The following DIRAS2 variants were observed in gnomAD, a reference collection of about 807,000 sequenced individuals.
The protein encoded by DIRAS2 is DIRAS family GTPase 2.
A neutral mutation model predicts 13.9 loss-of-function variants in DIRAS2; 5 were observed. The observed-to-expected ratio is 0.36, with a 90% CI of 0.19 to 0.76. The LOEUF is 0.76. DIRAS2 is among the 30% of genes least tolerant of loss of function. The pLI, the probability that DIRAS2 is intolerant of heterozygous loss-of-function variation, is 0.53. For synonymous variants in DIRAS2, 111 were observed against 105.4 expected (o/e 1.05, Z -0.33); for missense variants, 191 against 263.0 (o/e 0.73, Z 1.89).
intron 1 of DIRAS2, among the ~76,000 whole-genome samples, chr9:90,629,163 T>C (rs1365882853): frequency 6.6e-6 from 1 of 152,186 alleles, no homozygotes; most frequent in African/African-American, 2.4e-5. Context: ...CAAAAATATA[T>C]TACTTAAAAT....
intron 1 of DIRAS2, among the ~76,000 whole-genome samples, chr9:90,629,526 T>C (rs1462516706): frequency 2.2e-5 from 3 of 139,002 alleles, no homozygotes; most frequent in Admixed American, 1.5e-4. Context: ...GGAAGACATA[T>C]AGAAAAAAAA....
At chr9:90,624,359 C>A (rs1825248346) in intron 1 of DIRAS2, among the ~76,000 whole-genome samples, 1 of 152,086 alleles carries the variant, frequency 6.6e-6, no homozygotes, top group African/African-American at 2.4e-5. Context: ...ATCCATGGAT[C>A]AACTTTATCC....
At chr9:90,639,905 C>G (rs914987140) in intron 1 of DIRAS2, among the ~76,000 whole-genome samples, 33 of 152,170 alleles carry the variant, frequency 2.2e-4, no homozygotes, top group Middle Eastern at 3.2e-3. Context: ...TGGCGCCGAA[C>G]ATGTTAGCTT....
intron 1 of DIRAS2, among the ~76,000 whole-genome samples, chr9:90,617,813 A>G (rs1825183287): frequency 6.6e-6 from 1 of 152,262 alleles, no homozygotes; most frequent in African/African-American, 2.4e-5. Flanking sequence ...ATTTAAGAAA[A>G]TAACTCAATT....
At position 90,612,688 on chromosome 9, in the gene DIRAS2, A is replaced by G. The variant is rs1392311145; in HGVS notation, c.*540T>C. The G allele has an allele frequency of 6.3e-6, 1 of 157,710 alleles. No individual in the cohort carries two copies. Among genetic ancestry groups the G allele is most frequent in the Non-Finnish European group, 1.4e-5 (1 of 71,324 alleles). 9.8% of individuals were successfully genotyped at this position (157,710 alleles called of 1,614,324 possible). On this transcript the variant is annotated 3_prime_UTR_variant, in exon 2 of 2. Transcript: ENST00000375765. ...CTAACAGGCCAGGTGGGAATTAAGAACGGACACCCTTTGGGGGAGAGGCTG... is the reference window on the plus strand; with the variant it reads ...CTAACAGGCCAGGTGGGAATTAAGAGCGGACACCCTTTGGGGGAGAGGCTG...
Position 90,613,197 on chromosome 9 carries a change from C to A in DIRAS2, c.*31G>T. On this transcript the variant is annotated 3_prime_UTR_variant, in exon 2 of 2. Coordinates refer to ENST00000375765, the MANE Select transcript of DIRAS2 (RefSeq NM_017594.5). The surrounding 1 kb of genome is among the most constrained non-coding windows in gnomAD (Gnocchi z 5.6). ...TTTTGGGGGAGTGAGGTGCCGGGGA[C>A]ACACAGCTGCTCCTCCCGCAGGAAG... The A allele has an allele frequency of 6.3e-7, 1 of 1,587,468 alleles. No homozygotes were observed. The highest frequency in any genetic ancestry group is 8.6e-7 in the Non-Finnish European group (1 of 1,165,986).
intron 1 of DIRAS2, among the ~76,000 whole-genome samples, chr9:90,628,860 C>T (rs1310756495): frequency 6.8e-6 from 1 of 147,840 alleles, no homozygotes; most frequent in Admixed American, 6.7e-5. Context: ...AAATATATTA[C>T]TTTTTTTTTT....
intron 1 of DIRAS2, among the ~76,000 whole-genome samples, chr9:90,621,106 G>T (rs1285762253): frequency 6.6e-6 from 1 of 152,118 alleles, no homozygotes; most frequent in Non-Finnish European, 1.5e-5. Context: ...TAAAGACTGA[G>T]AAAATTTTAG....
chr9:90,631,622 G>A (rs1054472954), intron 1 of DIRAS2, among the ~76,000 whole-genome samples: 5 of 152,084 alleles, frequency 3.3e-5, no homozygotes, highest in African/African-American at 9.7e-5. Flanking sequence ...TCGCCCATGA[G>A]AGAGCCCACA....
At chr9:90,614,716 A>C (rs1825151922) in intron 1 of DIRAS2, among the ~76,000 whole-genome samples, 1 of 152,160 alleles carries the variant, frequency 6.6e-6, no homozygotes, top group African/African-American at 2.4e-5. Context: ...CATTCATCAA[A>C]ATTAAGATGA....
At chr9:90,621,132 G>T (rs188088497) in intron 1 of DIRAS2, among the ~76,000 whole-genome samples, 19 of 152,264 alleles carry the variant, frequency 1.2e-4, no homozygotes, top group African/African-American at 3.6e-4. Context: ...TGACATTGGG[G>T]GGTGTGAAGG....
intron 1 of DIRAS2, chr9:90,625,869 G>A (rs1825263570): frequency 6.6e-6 from 1 of 152,026 alleles, no homozygotes; most frequent in Non-Finnish European, 1.5e-5. Context: ...ACAAGAAAGG[G>A]CATTACCAAG....
At chr9:90,630,290 G>C (rs1313368334) in intron 1 of DIRAS2, among the ~76,000 whole-genome samples, 2 of 152,164 alleles carry the variant, frequency 1.3e-5, no homozygotes, top group African/African-American at 4.8e-5. Flanking sequence ...GCAGCGAAGA[G>C]AATTCAACCA....
chr9:90,612,907 A>G lies in DIRAS2; in HGVS notation c.*321T>C, dbSNP rs530563191. Reference sequence around the variant, plus strand: ...AGATGACATTTAGTCCTCTCGGTACATGTTGCTTTGTGGGTACCAGTCCTC... The same window carrying G: ...AGATGACATTTAGTCCTCTCGGTACGTGTTGCTTTGTGGGTACCAGTCCTC... On this transcript the variant is annotated 3_prime_UTR_variant, in exon 2 of 2. Transcript: ENST00000375765. 52 of 354,614 alleles carry G rather than the reference A, an allele frequency of 1.5e-4. No homozygotes were observed. The highest frequency in any genetic ancestry group is 3.3e-4 in the African/African-American group (16 of 47,896). The allele number at this position is 354,614 out of a possible 1,614,324, so 22.0% of individuals were successfully genotyped here.
chr9:90,615,336 C>T (rs1391942383), intron 1 of DIRAS2, among the ~76,000 whole-genome samples: 1 of 152,144 alleles, frequency 6.6e-6, no homozygotes, highest in African/African-American at 2.4e-5. Flanking sequence ...CTTGCATGCA[C>T]TTTGGAATCC....
chr9:90,610,500 T>G lies in DIRAS2; in HGVS notation c.*2728A>C, dbSNP rs1587716735. 2.3e-5 allele frequency: 9 copies of G among 398,958 alleles called. No homozygotes were observed. The East Asian group carries it at 3.2e-4, about 14-fold the overall frequency. 24.7% of individuals were successfully genotyped at this position (398,958 alleles called of 1,614,324 possible). A position where few individuals can be genotyped will look rare whatever the true frequency, so the allele number is the denominator to read the frequency against. On this transcript the variant is annotated 3_prime_UTR_variant, in exon 2 of 2. Transcript: ENST00000375765. ...CATGCTCATGCCCAGAGCGCCATCT[T>G]CAAAGCAATATTTAATTAAATATTA... is the stretch of plus-strand genomic sequence containing the variant.
chr9:90,640,351 T>C (rs775533540), intron 1 of DIRAS2, among the ~76,000 whole-genome samples: 10 of 152,218 alleles, frequency 6.6e-5, no homozygotes, highest in Non-Finnish European at 1.3e-4. Context: ...TTGTTTTTAT[T>C]ACTTCATAGA....
chr9:90,635,174 A>G (rs1460006219), intron 1 of DIRAS2, among the ~76,000 whole-genome samples: 1 of 152,202 alleles, frequency 6.6e-6, no homozygotes, highest in African/African-American at 2.4e-5. Context: ...AGCCTAGGGG[A>G]CCAGAAACGT....
intron 1 of DIRAS2, among the ~76,000 whole-genome samples, chr9:90,615,017 T>A (rs1302592259): frequency 3.9e-5 from 6 of 152,142 alleles, no homozygotes; most frequent in African/African-American, 1.4e-4. Context: ...CTGAAGTTGA[T>A]AAGTAACATG....
Sources: allele counts gnomAD v4.1 joint callset (sites outside exome capture counted in the v4.1 genomes callset), GRCh38; gene constraint gnomAD v4.1.1; non-coding constraint Gnocchi (gnomAD v3.1); transcripts MANE v1.5; gene names NCBI Gene and HGNC (gene_info 2026-07-23, HGNC 2026-07-21).